CYP24A1: variants seen among roughly 807,000 people sequenced by gnomAD.
CYP24A1 encodes the protein 1,25-dihydroxyvitamin D(3) 24-hydroxylase, mitochondrial.
CYP24A1 carries 68 observed loss-of-function variants against 62.4 expected under a neutral mutation model. The observed-to-expected ratio is 1.09, with a 90% CI of 0.90 to 1.33. CYP24A1 has a LOEUF of 1.33. Ranked by LOEUF, CYP24A1 falls within the 40% of genes most tolerant of loss-of-function variation. The pLI, the probability that CYP24A1 is intolerant of heterozygous loss-of-function variation, is 0.00. For missense variants in CYP24A1, 787 were observed against 653.0 expected (o/e 1.21, Z -2.24); for synonymous variants, 267 against 253.0 (o/e 1.06, Z -0.52).
At chr20:54,169,151 C>T (rs56002688) in intron 4 of CYP24A1, among the ~76,000 whole-genome samples, 1 of 152,028 alleles carries the variant, frequency 6.6e-6, no homozygotes, top group Non-Finnish European at 1.5e-5. Flanking sequence ...GATCTGCCCA[C>T]CTCAGCCTCC....
In CYP24A1 at chr20:54,157,412, A is replaced by T. The variant is rs200305803; in HGVS notation, c.1410T>A (p.Leu470=). The change falls in exon 10 of 12, where the codon CTT becomes CTA. Residue 470 remains leucine, a synonymous_variant. Transcript: ENST00000216862. ...RMCIGRRLAE[L]QLHLALCWIV... is the part of the protein sequence containing the mutation. ...CCCAACAAAGAGCCAAATGCAGTTG[A>T]AGCTCTGCTAATCGGCGACCAATGC... The T allele has an allele frequency of 2.5e-6, 4 of 1,598,662 alleles. No individual in the cohort carries two copies. In the Admixed American group the frequency reaches 5.0e-5, roughly 20 times the overall value.
intron 5 of CYP24A1, among the ~76,000 whole-genome samples, chr20:54,164,782 T>C (rs1476836990): frequency 6.6e-6 from 1 of 151,688 alleles, no homozygotes; most frequent in Non-Finnish European, 1.5e-5. Flanking sequence ...GGGATGATTT[T>C]CCACTGGATG....
At chr20:54,147,743 A>AACT in the CYP24A1 span, among the ~76,000 whole-genome samples, 2 of 152,226 alleles carry the variant, frequency 1.3e-5, no homozygotes, top group African/African-American at 4.8e-5. Flanking sequence ...TAAATGAGAA[A>AACT]ACTCAAGCAC....
At chr20:54,145,521 T>C in the CYP24A1 span, among the ~76,000 whole-genome samples, 1 of 151,242 alleles carries the variant, frequency 6.6e-6, no homozygotes, top group East Asian at 1.9e-4. Flanking sequence ...GCACCTGTAA[T>C]CCCAGCTACT....
intron 7 of CYP24A1, among the ~76,000 whole-genome samples, chr20:54,162,220 CTTTTTTTTTTTTTTTTTTTTTTT>C (rs530338632): frequency 2.8e-5 from 2 of 72,534 alleles, no homozygotes; most frequent in African/African-American, 6.3e-5. Context: ...GAGAGTATGC[CTTTTTTTTTTTTTTTTTTTTTTT>C]TTTTTTTTTT....
intron 7 of CYP24A1, among the ~76,000 whole-genome samples, chr20:54,159,920 T>C (rs375991741): frequency 3.3e-5 from 5 of 152,326 alleles, no homozygotes; most frequent in African/African-American, 1.2e-4. Context: ...AATAAACATT[T>C]AATTAAAAGT....
the CYP24A1 span, among the ~76,000 whole-genome samples, chr20:54,147,184 T>G: frequency 6.6e-6 from 1 of 152,270 alleles, no homozygotes; most frequent in African/African-American, 2.4e-5. Flanking sequence ...TAAGCCTAAT[T>G]GAAAAATGAG....
chr20:54,159,549 C>T (rs757511489), intron 7 of CYP24A1, among the ~76,000 whole-genome samples: 7 of 152,124 alleles, frequency 4.6e-5, no homozygotes, highest in African/African-American at 7.2e-5. Flanking sequence ...CATCCACCAC[C>T]ATGCCTGGCT....
At chr20:54,165,326 C>T (rs970922044) in intron 5 of CYP24A1, among the ~76,000 whole-genome samples, 2 of 152,324 alleles carry the variant, frequency 1.3e-5, no homozygotes, top group South Asian at 2.1e-4. Context: ...GAATCTAATG[C>T]CTGATGATCT....
In CYP24A1 at chr20:54,165,796, A is replaced by T. The variant is rs990451800; in HGVS notation, c.678T>A (p.Leu226=). The stretch of plus-strand genomic sequence containing the variant: ...CTTCATCCCCTGCATTCTTCTGGAG[A>T]AGCCCAAATCTCTTCTCATACAACA... ...CLVLYEKRFG[L]LQKNAGDEAV... Residue 226 remains leucine (L), a synonymous_variant, in exon 5 of 12, where the codon CTT becomes CTA. Transcript: ENST00000216862. The T allele has an allele frequency of 4.6e-6, 7 of 1,533,854 alleles. No homozygotes were observed. Among genetic ancestry groups the T allele is most frequent in the Non-Finnish European group, 5.4e-6 (6 of 1,106,726 alleles).
At chr20:54,155,910 T>C (rs1044760850) in intron 11 of CYP24A1, among the ~76,000 whole-genome samples, 7 of 130,898 alleles carry the variant, frequency 5.3e-5, no homozygotes, top group African/African-American at 1.7e-4. Flanking sequence ...ATTTGGCTTA[T>C]GTTATTTAAA....
rs1601153154 is a variant in CYP24A1 at position 54,173,810 on chromosome 20, G to A, written c.-231C>T. ...AGAGCATTGGTGCCTCCTTGCACTG[G>A]CCGCAGGGGCTGGAAGAGGGTGGCC... On this transcript the variant is annotated 5_prime_UTR_variant, in exon 1 of 12. Coordinates refer to ENST00000216862, the MANE Select transcript of CYP24A1 (RefSeq NM_000782.5). The surrounding 1 kb of genome is among the most constrained non-coding windows in gnomAD (Gnocchi z 7.2). 1 of 584,682 alleles carries A rather than the reference G, an allele frequency of 1.7e-6. No homozygotes were observed. Among genetic ancestry groups the A allele is most frequent in the East Asian group, 2.8e-5 (1 of 35,412 alleles). 36.2% of individuals were successfully genotyped at this position (584,682 alleles called of 1,614,324 possible).
At chr20:54,152,462 C>G (rs1422470318), downstream of CYP24A1, among the ~76,000 whole-genome samples, 1 of 152,236 alleles carries the variant, frequency 6.6e-6, no homozygotes, top group Admixed American at 6.5e-5. Context: ...GGAATCACAA[C>G]CCTAATGAAT....
In CYP24A1 at chr20:54,165,701, ACAT is replaced by A. The variant is rs752495987; in HGVS notation, c.732+38_732+40del. On this transcript the variant is annotated intron_variant, in intron 5 of 11. Transcript: ENST00000216862. ...AGTTCTGTAAAAATCGATCTGTAAAACATCAATCAAGAAAACTGCTTTCTTAAA... is the reference window on the plus strand; with the variant it reads ...AGTTCTGTAAAAATCGATCTGTAAAACAATCAAGAAAACTGCTTTCTTAAA... The A allele has an allele frequency of 7.2e-6, 7 of 972,370 alleles. No homozygotes were observed. The East Asian group carries it at 1.4e-4, about 20-fold the overall frequency. 60.2% of individuals were successfully genotyped at this position (972,370 alleles called of 1,614,324 possible).
In CYP24A1 at chr20:54,158,979, C is replaced by T. The variant is rs773450025; in HGVS notation, c.1135G>A (p.Ala379Thr). Residue 379 changes from alanine (A) to threonine (T), a missense_variant, in exon 8 of 12, where the codon GCC becomes ACC. Coordinates refer to ENST00000216862, the MANE Select transcript of CYP24A1 (RefSeq NM_000782.5). Reference protein sequence around the residue: ...EDLRNMPYLKACLKESMRLTP... With the variant: ...EDLRNMPYLKTCLKESMRLTP... ...TACCTCATAGATTCTTTCAGACAGG[C>T]TTTTAAATACGGCATATTCCTCAAA... 1 of 1,614,174 alleles carries T rather than the reference C, an allele frequency of 6.2e-7. No homozygotes were observed. The highest frequency in any genetic ancestry group is 1.7e-5 in the Admixed American group (1 of 60,028).
rs1012917322 is a variant in CYP24A1, at chr20:54,154,046, C to G, written c.*726G>C. ...AGGCAAATTACCATTAGAACCCACACACACATACACGGACACACACACACA... is the reference window on the plus strand; with the variant it reads ...AGGCAAATTACCATTAGAACCCACAGACACATACACGGACACACACACACA... On this transcript the variant is annotated 3_prime_UTR_variant, in exon 12 of 12. Coordinates refer to ENST00000216862, the MANE Select transcript of CYP24A1 (RefSeq NM_000782.5). The G allele has an allele frequency of 6.6e-6, 1 of 152,178 alleles. No homozygotes were observed. The highest frequency in any genetic ancestry group is 1.9e-4 in the East Asian group (1 of 5,200). 9.4% of individuals were successfully genotyped at this position (152,178 alleles called of 1,614,324 possible). A position where few individuals can be genotyped will look rare whatever the true frequency, so the allele number is the denominator to read the frequency against.
intron 7 of CYP24A1, among the ~76,000 whole-genome samples, chr20:54,159,670 T>A (rs1483881480): frequency 6.6e-6 from 1 of 152,210 alleles, no homozygotes; most frequent in African/African-American, 2.4e-5. Flanking sequence ...ATTACAGGCA[T>A]GAGCCAACTG....
the CYP24A1 span, among the ~76,000 whole-genome samples, chr20:54,147,794 G>T: frequency 6.6e-6 from 1 of 152,134 alleles, no homozygotes; most frequent in Non-Finnish European, 1.5e-5. Flanking sequence ...CACAGCAGAG[G>T]AGCTGGGATT....
Position 54,173,276 on chromosome 20 carries a change from G to A in CYP24A1, c.258+46C>T. ...GGGAGGGTTTGGAGCGCCACTGGGA[G>A]GGCGGAAGAGGGAGGAGAGAGTCAG... On this transcript the variant is annotated intron_variant, in intron 1 of 11. Transcript: ENST00000216862. This position sits in a 1 kb window ranked among gnomAD's most constrained non-coding sequence, Gnocchi z 7.2. 1 of 1,577,180 alleles carries A rather than the reference G, an allele frequency of 6.3e-7. No individual in the cohort carries two copies. Among genetic ancestry groups the A allele is most frequent in the Non-Finnish European group, 8.7e-7 (1 of 1,149,358 alleles).
Sources: allele counts gnomAD v4.1 joint callset (sites outside exome capture counted in the v4.1 genomes callset), GRCh38; gene constraint gnomAD v4.1.1; non-coding constraint Gnocchi (gnomAD v3.1); transcripts MANE v1.5; gene names NCBI Gene and HGNC (gene_info 2026-07-23, HGNC 2026-07-21).